CACNA2D3: variants seen among roughly 807,000 people sequenced by gnomAD.
CACNA2D3 encodes the protein voltage-dependent calcium channel subunit alpha-2/delta-3.
A neutral mutation model predicts 160.6 loss-of-function variants in CACNA2D3; 60 were observed. That is an observed-to-expected ratio of 0.37 (90% confidence interval 0.30 to 0.46). The LOEUF is 0.46. Among genes scored for constraint, CACNA2D3 ranks in the 20% least tolerant of loss-of-function variants. CACNA2D3 has a pLI of 1.00. For missense variants in CACNA2D3, 1,205 were observed against 1,365.0 expected (o/e 0.88, Z 1.85); for synonymous variants, 558 against 492.9 (o/e 1.13, Z -1.75).
intron 17 of CACNA2D3, among the ~76,000 whole-genome samples, chr3:54,866,509 C>T (rs917072926): frequency 3.9e-5 from 6 of 152,170 alleles, no homozygotes; most frequent in Non-Finnish European, 8.8e-5. Flanking sequence ...AAGTTTCTTC[C>T]TCTCCCACCC....
intron 4 of CACNA2D3, among the ~76,000 whole-genome samples, chr3:54,491,300 C>A (rs945582703): frequency 2.0e-5 from 3 of 152,190 alleles, no homozygotes; most frequent in Admixed American, 2.0e-4. Flanking sequence ...CGAGAAGCTA[C>A]AGGAGGAATT....
intron 11 of CACNA2D3, among the ~76,000 whole-genome samples, chr3:54,687,779 A>G (rs1700497210): frequency 6.6e-6 from 1 of 152,176 alleles, no homozygotes; most frequent in Non-Finnish European, 1.5e-5. Context: ...TTTGATTTTC[A>G]AAGGAGGTAT....
chr3:54,496,905 T>A (rs1181326243), intron 4 of CACNA2D3, among the ~76,000 whole-genome samples: 1 of 152,166 alleles, frequency 6.6e-6, no homozygotes, highest in African/African-American at 2.4e-5. Context: ...TAAGCACCTT[T>A]ATTTGATGTC....
intron 2 of CACNA2D3, among the ~76,000 whole-genome samples, chr3:54,175,613 CAAAAAAAAA>C (rs1163953295): frequency 2.2e-5 from 2 of 90,322 alleles, no homozygotes; most frequent in African/African-American, 8.7e-5. Flanking sequence ...GACTCTGTCT[CAAAAAAAAA>C]AAAAAAAAAA....
intron 35 of CACNA2D3, among the ~76,000 whole-genome samples, chr3:55,071,068 T>G (rs1038969978): frequency 6.6e-6 from 1 of 152,212 alleles, no homozygotes; most frequent in Non-Finnish European, 1.5e-5. Flanking sequence ...ATATTTTATC[T>G]TGTTAGTGGA....
intron 11 of CACNA2D3, among the ~76,000 whole-genome samples, chr3:54,708,793 T>C (rs1021769644): frequency 6.6e-6 from 1 of 152,200 alleles, no homozygotes; most frequent in Non-Finnish European, 1.5e-5. Context: ...GACAGTCTTT[T>C]AGGCATTCAT....
At chr3:54,989,378 C>G (rs1702689322) in intron 31 of CACNA2D3, among the ~76,000 whole-genome samples, 1 of 152,104 alleles carries the variant, frequency 6.6e-6, no homozygotes, top group Admixed American at 6.5e-5. Context: ...CCTTTTACTA[C>G]AAGAGTAGCC....
At chr3:54,251,711 A>G (rs1239825110) in intron 2 of CACNA2D3, among the ~76,000 whole-genome samples, 1 of 152,210 alleles carries the variant, frequency 6.6e-6, no homozygotes, top group Admixed American at 6.5e-5. Flanking sequence ...GGCCCTTGAC[A>G]TCTGTATCTT....
intron 29 of CACNA2D3, among the ~76,000 whole-genome samples, chr3:54,973,944 C>T (rs79625182): frequency 6.6e-6 from 1 of 152,084 alleles, no homozygotes. Flanking sequence ...GATTCAGGCC[C>T]CACCCTCAGA....
intron 11 of CACNA2D3, among the ~76,000 whole-genome samples, chr3:54,680,017 C>T (rs946956989): frequency 2.6e-5 from 4 of 152,142 alleles, no homozygotes; most frequent in Admixed American, 2.0e-4. Flanking sequence ...CCAGTAACAG[C>T]GGAAAGAGAT....
In CACNA2D3 at chr3:54,837,222, A is replaced by G. The variant is rs746494026; in HGVS notation, c.1462A>G (p.Asn488Asp). 1.2e-6 allele frequency: 2 copies of G among 1,613,902 alleles called. No individual in the cohort carries two copies. The highest frequency in any genetic ancestry group is 2.2e-5 in the South Asian group (2 of 91,082). ...TVAMPVFSKQNETRSKGILLG... is the reference protein window; with the variant it reads ...TVAMPVFSKQDETRSKGILLG... ...AGCCATGCCTGTGTTTAGTAAGCAG[A>G]ACGAAACCGTGAGTACAGTCGCTGA... is the stretch of plus-strand genomic sequence containing the variant. Residue 488 changes from asparagine (N) to aspartate (D), a missense_variant, in exon 15 of 38, where the codon AAC becomes GAC. Physicochemically the swap from Asn to Asp is conservative, Grantham distance 23. Coordinates refer to ENST00000474759, the MANE Select transcript of CACNA2D3 (RefSeq NM_018398.3).
chr3:54,634,970 A>G (rs1699333247), intron 10 of CACNA2D3, among the ~76,000 whole-genome samples: 1 of 151,932 alleles, frequency 6.6e-6, no homozygotes, highest in African/African-American at 2.4e-5. Flanking sequence ...AAAACAAGAT[A>G]GTGTTGAAGT....
chr3:54,836,214 CTTTTTTTTTTTCT>C (rs1386697024), intron 14 of CACNA2D3, among the ~76,000 whole-genome samples: 7 of 97,980 alleles, frequency 7.1e-5, no homozygotes, highest in Admixed American at 1.1e-4. Flanking sequence ...AAGGGCCATT[CTTTTTTTTTTTCT>C]TTTTTTTTTT....
chr3:54,239,026 ATCAG>A (rs1462236926), intron 2 of CACNA2D3, among the ~76,000 whole-genome samples: 2 of 152,270 alleles, frequency 1.3e-5, no homozygotes, highest in East Asian at 1.9e-4. Flanking sequence ...CCATAAATGT[ATCAG>A]TCATTCTTCC....
At chr3:54,464,352 G>A (rs7372453) in intron 4 of CACNA2D3, among the ~76,000 whole-genome samples, 61,960 of 151,990 alleles carry the variant, frequency 0.41, 13,138 homozygotes, top group Admixed American at 0.5. Context: ...CTGTCTTTTT[G>A]TTTGTCTGTG....
chr3:54,287,345 G>A (rs1206648204), intron 2 of CACNA2D3, among the ~76,000 whole-genome samples: 3 of 152,094 alleles, frequency 2.0e-5, no homozygotes, highest in African/African-American at 7.2e-5. Context: ...TTACCTAATG[G>A]TAAAGGGATC....
intron 2 of CACNA2D3, among the ~76,000 whole-genome samples, chr3:54,179,528 A>G (rs977171114): frequency 1.3e-5 from 2 of 152,112 alleles, no homozygotes; most frequent in African/African-American, 4.8e-5. Context: ...TAATTGGGGG[A>G]ATTTTGCTGG....
At chr3:54,935,921 C>T (rs1488505162) in intron 27 of CACNA2D3, among the ~76,000 whole-genome samples, 2 of 152,178 alleles carry the variant, frequency 1.3e-5, no homozygotes, top group Non-Finnish European at 2.9e-5. Flanking sequence ...ACACATCCTG[C>T]ACTTCAGGAA....
intron 11 of CACNA2D3, among the ~76,000 whole-genome samples, chr3:54,667,227 T>TA (rs1254855752): frequency 7.1e-6 from 1 of 140,572 alleles, no homozygotes; most frequent in African/African-American, 2.7e-5. Context: ...TACCTTGAAC[T>TA]ATTTTTTTTC....
Sources: gnomAD v4.1 joint callset for allele counts (sites outside exome capture counted in the v4.1 genomes callset) on GRCh38, gnomAD v4.1.1 for gene constraint, MANE v1.5 for transcripts, NCBI Gene and HGNC (gene_info 2026-07-23, HGNC 2026-07-21) for gene names.